Variants in RRP7A observed in about 807,000 individuals in gnomAD.
RRP7A encodes ribosomal RNA processing 7 homolog A, also known as ribosomal RNA-processing protein 7 homolog A.
A neutral mutation model predicts 38.4 loss-of-function variants in RRP7A; 27 were observed. The ratio of observed to expected loss-of-function variants is 0.70; its 90% CI spans 0.52 to 0.97. The LOEUF (loss-of-function observed/expected upper bound fraction) is 0.97, where lower values mean the gene tolerates loss of function less well. Ranked by LOEUF, RRP7A falls within the 50% of genes least tolerant of loss-of-function variation. The pLI, the probability that RRP7A is intolerant of heterozygous loss-of-function variation, is 0.00. For missense variants in RRP7A, 327 were observed against 375.4 expected (o/e 0.87, Z 1.07); for synonymous variants, 124 against 150.3 (o/e 0.83, Z 1.28).
At chr22:42,514,584 T>C (rs369328983) in intron 5 of RRP7A, 98 bp downstream of exon 5, 5 of 1,050,104 alleles carry the variant, frequency 4.8e-6, no homozygotes, top group Non-Finnish European at 5.8e-6. Context: ...CTCTACAGAG[T>C]GGCCAAGGAC....
rs1932418146 is a variant in RRP7A at position 42,510,385 on chromosome 22, A to C, written c.*2525T>G. 4.7e-6 allele frequency: 1 copy of C among 211,300 alleles called. No individual in the cohort carries two copies. The highest frequency in any genetic ancestry group is 2.3e-5 in the African/African-American group (1 of 43,296). The allele number at this position is 211,300 out of a possible 1,614,324, so 13.1% of individuals were successfully genotyped here. A position where few individuals can be genotyped will look rare whatever the true frequency, so the allele number is the denominator to read the frequency against. On this transcript the variant is annotated 3_prime_UTR_variant, in exon 7 of 7. Coordinates refer to ENST00000323013, the MANE Select transcript of RRP7A (RefSeq NM_015703.5). ...CAGGGCTGACTGTGACCAAGTCCTG[A>C]ACTCCCTGCGCCCCAGCAAGGCTGT...
chr22:42,510,724 G>A lies in RRP7A; in HGVS notation c.*2186C>T, dbSNP rs1277136329. On this transcript the variant is annotated 3_prime_UTR_variant, in exon 7 of 7. Coordinates refer to ENST00000323013, the MANE Select transcript of RRP7A (RefSeq NM_015703.5). ...ACACAATGAAATCCACCCTCAAAGA[G>A]GTAAGGCGGGGCTCAGGCAGCTGGT... The A allele has an allele frequency of 2.8e-5, 43 of 1,519,294 alleles. No homozygotes were observed. The highest frequency in any genetic ancestry group is 3.5e-5 in the Non-Finnish European group (39 of 1,124,884). The allele number at this position is 1,519,294 out of a possible 1,614,324, so 94.1% of individuals were successfully genotyped here.
At position 42,517,765 on chromosome 22, in the gene RRP7A, C is replaced by T. The variant is rs191116755; in HGVS notation, c.216+240G>A. Among the ~76,000 whole-genome samples, 260 of 152,304 alleles carry T rather than the reference C, an allele frequency of 1.7e-3. 1 individual carries two copies. Among genetic ancestry groups the T allele is most frequent in the Non-Finnish European group, 3.1e-3 (214 of 68,008 alleles). On this transcript the variant is annotated intron_variant, in intron 2 of 6. Coordinates refer to ENST00000323013, the MANE Select transcript of RRP7A (RefSeq NM_015703.5). ...GAACTCCTCCCTTCAGGTGATCCGC[C>T]CGCCTCAGCCTCCCAAAGTGCTGGG...
At chr22:42,519,557 C>G (rs1920942185) in intron 1 of RRP7A, among the ~76,000 whole-genome samples, 157 bp downstream of exon 1, 1 of 152,016 alleles carries the variant, frequency 6.6e-6, no homozygotes, top group Non-Finnish European at 1.5e-5. Context: ...TCCTCGGGAC[C>G]CCGGAGCCTC....
rs1230817081 is a variant in RRP7A at position 42,509,544 on chromosome 22, G to A, written c.*3366C>T. On this transcript the variant is annotated 3_prime_UTR_variant, in exon 7 of 7. Transcript: ENST00000323013. Reference sequence around the variant, plus strand: ...GACGAGGTTTCGCCATGTTGGCCAGGCTGCTCTCCATCTCCTGACCTCATG... The same window carrying A: ...GACGAGGTTTCGCCATGTTGGCCAGACTGCTCTCCATCTCCTGACCTCATG... Among the ~76,000 whole-genome samples the A allele has an allele frequency of 1.3e-5, 2 of 150,034 alleles. No individual in the cohort carries two copies. The highest frequency in any genetic ancestry group is 3.9e-4 in the East Asian group (2 of 5,142).
Position 42,512,845 on chromosome 22 carries a change from C to T in RRP7A, c.*65G>A, listed in dbSNP as rs1335947953. 2.8e-5 allele frequency: 42 copies of T among 1,526,824 alleles called. 1 individual carries two copies. The highest frequency in any genetic ancestry group is 3.8e-5 in the Non-Finnish European group (42 of 1,111,530). 94.6% of individuals were successfully genotyped at this position (1,526,824 alleles called of 1,614,324 possible). A position where few individuals can be genotyped will look rare whatever the true frequency, so the allele number is the denominator to read the frequency against. On this transcript the variant is annotated 3_prime_UTR_variant, in exon 7 of 7. Transcript: ENST00000323013. ...CCAGAGCTCGGCCTCTCAGAGACCG[C>T]TGCAGGCCCTGCCTCGCCTCCTCCT...
At chr22:42,515,678 G>A (rs1920927628) in intron 3 of RRP7A, among the ~76,000 whole-genome samples, 2 of 152,294 alleles carry the variant, frequency 1.3e-5, no homozygotes, top group Middle Eastern at 6.8e-3. Context: ...GTGAACAACA[G>A]TGCTCCTGGA....
Position 42,511,203 on chromosome 22 carries a change from G to C in RRP7A, c.*1707C>G, listed in dbSNP as rs1335374927. 6.6e-6 allele frequency: 1 copy of C among 150,376 alleles called. No homozygotes were observed. Among genetic ancestry groups the C allele is most frequent in the Non-Finnish European group, 1.5e-5 (1 of 67,972 alleles). The allele number at this position is 150,376 out of a possible 1,614,324, so 9.3% of individuals were successfully genotyped here. On this transcript the variant is annotated 3_prime_UTR_variant, in exon 7 of 7. Transcript: ENST00000323013. ...ACTTTTTTTTTTTTTTTGAGATGGA[G>C]TCTCACTCTGTCGCTCAGGCTGGAG...
At chr22:42,513,750 T>TTC (rs1193156428) in intron 6 of RRP7A, among the ~76,000 whole-genome samples, 1 of 151,454 alleles carries the variant, frequency 6.6e-6, no homozygotes, top group Non-Finnish European at 1.5e-5. Flanking sequence ...CTGCAGCACC[T>TTC]TCTCTGCACC....
Position 42,510,467 on chromosome 22 carries a change from C to T in RRP7A, c.*2443G>A, listed in dbSNP as rs1490222808. On this transcript the variant is annotated 3_prime_UTR_variant, in exon 7 of 7. Coordinates refer to ENST00000323013, the MANE Select transcript of RRP7A (RefSeq NM_015703.5). ...CCAGCTGAGCGTGAGCTGAGATTAA[C>T]TGAGCCTCAAATCCAACCCAGGGTC... The T allele has an allele frequency of 3.1e-6, 1 of 327,692 alleles. No homozygotes were observed. The highest frequency in any genetic ancestry group is 2.2e-5 in the African/African-American group (1 of 45,956). 20.3% of individuals were successfully genotyped at this position (327,692 alleles called of 1,614,324 possible). A position where few individuals can be genotyped will look rare whatever the true frequency, so the allele number is the denominator to read the frequency against.
At chr22:42,519,578 G>A (rs1366308978) in intron 1 of RRP7A, 136 bp downstream of exon 1, 12 of 711,080 alleles carry the variant, frequency 1.7e-5, no homozygotes, top group Non-Finnish European at 2.1e-5. Flanking sequence ...AAGACCTGCG[G>A]AGCCTGGGGC....
At chr22:42,519,462 G>A (rs1601809370) in intron 1 of RRP7A, among the ~76,000 whole-genome samples, 1 of 152,174 alleles carries the variant, frequency 6.6e-6, no homozygotes, top group Non-Finnish European at 1.5e-5. Flanking sequence ...TGAGAGTGTG[G>A]ACAGAGGCGG....
chr22:42,511,843 C>G lies in RRP7A; in HGVS notation c.*1067G>C. 1 of 482,542 alleles carries G rather than the reference C, an allele frequency of 2.1e-6. No individual in the cohort carries two copies. The highest frequency in any genetic ancestry group is 3.8e-6 in the Non-Finnish European group (1 of 262,372). The allele number at this position is 482,542 out of a possible 1,614,324, so 29.9% of individuals were successfully genotyped here. ...CTACTTCGGATACAATCACAGCAAC[C>G]CTGGCCTCGGCCCTGCCCTGTCCCT... On this transcript the variant is annotated 3_prime_UTR_variant, in exon 7 of 7. Coordinates refer to ENST00000323013, the MANE Select transcript of RRP7A (RefSeq NM_015703.5).
rs762779930 is a variant in RRP7A, at chr22:42,509,028, G to A, written c.*3882C>T. On this transcript the variant is annotated 3_prime_UTR_variant, in exon 7 of 7. Coordinates refer to ENST00000323013, the MANE Select transcript of RRP7A (RefSeq NM_015703.5). ...ATTCACCATGTTTTTGTCTCTGCAG[G>A]CAGAGAACAGCATTGACTTCGTCAG... 4.2e-5 allele frequency: 67 copies of A among 1,609,264 alleles called. No homozygotes were observed. Among genetic ancestry groups the A allele is most frequent in the Non-Finnish European group, 5.4e-5 (63 of 1,175,530 alleles).
In RRP7A at chr22:42,510,803, C is replaced by A. The variant is rs553707508; in HGVS notation, c.*2107G>T. The A allele has an allele frequency of 9.0e-5, 119 of 1,325,068 alleles. No homozygotes were observed. The African/African-American group carries it at 1.6e-3, about 18-fold the overall frequency. The allele number at this position is 1,325,068 out of a possible 1,614,324, so 82.1% of individuals were successfully genotyped here. ...CACCTCACCCATCTCTTCTCATGCACTGGGAAAGACCCCTGGTCTGCCCCC... is the reference window on the plus strand; with the variant it reads ...CACCTCACCCATCTCTTCTCATGCAATGGGAAAGACCCCTGGTCTGCCCCC... On this transcript the variant is annotated 3_prime_UTR_variant, in exon 7 of 7. Transcript: ENST00000323013.
intron 1 of RRP7A, among the ~76,000 whole-genome samples, 164 bp downstream of exon 1, chr22:42,519,550 T>TCGGGACC (rs1158530911): frequency 6.6e-6 from 1 of 152,070 alleles, no homozygotes; most frequent in Non-Finnish European, 1.5e-5. Context: ...GCCTGGGTCC[T>TCGGGACC]CGGGACCCCG....
At chr22:42,514,012 G>A in intron 6 of RRP7A, 94 bp downstream of exon 6, 1 of 1,120,094 alleles carries the variant, frequency 8.9e-7, no homozygotes, top group Non-Finnish European at 1.3e-6. Context: ...CGACCACCAA[G>A]TCCAGCGCCC....
In RRP7A at chr22:42,510,740, G is replaced by C. The variant is rs554577456; in HGVS notation, c.*2170C>G. On this transcript the variant is annotated 3_prime_UTR_variant, in exon 7 of 7. Transcript: ENST00000323013. ...CCTCAAAGAGGTAAGGCGGGGCTCA[G>C]GCAGCTGGTGTCCAGCCACTGTCGC... 2.2e-4 allele frequency: 330 copies of C among 1,498,036 alleles called. 1 individual carries two copies. The highest frequency in any genetic ancestry group is 3.7e-4 in the Middle Eastern group (2 of 5,382). 92.8% of individuals were successfully genotyped at this position (1,498,036 alleles called of 1,614,324 possible).
rs1366099655 is a variant in RRP7A at position 42,509,301 on chromosome 22, C to T, written c.*3609G>A. 6.6e-6 allele frequency among the ~76,000 whole-genome samples: 1 copy of T among 151,230 alleles called. No homozygotes were observed. Among genetic ancestry groups the T allele is most frequent in the Non-Finnish European group, 1.5e-5 (1 of 67,696 alleles). On this transcript the variant is annotated 3_prime_UTR_variant, in exon 7 of 7. Coordinates refer to ENST00000323013, the MANE Select transcript of RRP7A (RefSeq NM_015703.5). ...GGAGGAAGGTCAGAGGAGGGGAGGG[C>T]TCAGGCAGCAGGGGATGGGCCGGGG... is the stretch of plus-strand genomic sequence containing the variant.
Sources: allele counts gnomAD v4.1 joint callset (sites outside exome capture counted in the v4.1 genomes callset), GRCh38; gene constraint gnomAD v4.1.1; transcripts MANE v1.5; gene names NCBI Gene and HGNC (gene_info 2026-07-23, HGNC 2026-07-21).